VRTN: variants seen among roughly 807,000 people sequenced by gnomAD.
VRTN encodes vertebrae development associated, also known as vertnin.
A neutral mutation model predicts 18.2 loss-of-function variants in VRTN; 5 were observed. That is an observed-to-expected ratio of 0.27 (90% CI 0.14 to 0.58). VRTN has a LOEUF of 0.58. VRTN is among the 20% of genes least tolerant of loss of function. The pLI, the probability that VRTN is intolerant of heterozygous loss-of-function variation, is 0.91. For synonymous variants in VRTN, 381 were observed against 393.7 expected (o/e 0.97, Z 0.38); for missense variants, 741 against 939.4 (o/e 0.79, Z 2.76).
intron 1 of VRTN, among the ~76,000 whole-genome samples, chr14:74,354,397 T>A (rs574808494): frequency 1.3e-5 from 2 of 151,570 alleles, no homozygotes; most frequent in East Asian, 3.9e-4. Context: ...CCTGTTATAT[T>A]AAAATCCATG....
In VRTN at chr14:74,327,766, G is replaced by C. The variant is rs147605127; in HGVS notation, c.-163-9957G>C. On this transcript the variant is annotated intron_variant, in intron 1 of 2. Transcript: ENST00000557177. ...GAGTCTCACTTCGTTGCCCAGGCAG[G>C]AGTGCAGTGAATGGTGCAATCTCAG... 2.3e-4 allele frequency among the ~76,000 whole-genome samples: 35 copies of C among 152,130 alleles called. 2 individuals are homozygous for C. In the East Asian group the frequency reaches 6.8e-3, roughly 29 times the overall value.
rs2085764530 is a variant in VRTN, at chr14:74,359,434, G to A, written c.*542G>A. ...GTGGTGGCTTATGCCTGTAATCCTA[G>A]CGCTTTGGGAGGCCAAGGCAGGAGG... On this transcript the variant is annotated 3_prime_UTR_variant, in exon 2 of 2. Coordinates refer to ENST00000256362, the MANE Select transcript of VRTN (RefSeq NM_018228.3). 1 of 167,654 alleles carries A rather than the reference G, an allele frequency of 6.0e-6. No homozygotes were observed. The highest frequency in any genetic ancestry group is 1.5e-5 in the Non-Finnish European group (1 of 68,676). The allele number at this position is 167,654 out of a possible 1,614,324, so 10.4% of individuals were successfully genotyped here. A position where few individuals can be genotyped will look rare whatever the true frequency, so the allele number is the denominator to read the frequency against.
At chr14:74,330,032 C>T (rs757011341) in intron 1 of VRTN, among the ~76,000 whole-genome samples, 18 of 151,886 alleles carry the variant, frequency 1.2e-4, no homozygotes, top group Non-Finnish European at 1.6e-4. Flanking sequence ...TCACCATGCC[C>T]GGCTAGTTTT....
chr14:74,344,691 C>T (rs1404917892), upstream of VRTN, among the ~76,000 whole-genome samples: 4 of 128,300 alleles, frequency 3.1e-5, no homozygotes, highest in African/African-American at 9.0e-5. Flanking sequence ...GCTGAGATCG[C>T]GGCACTGCAC....
At chr14:74,326,280 C>T (rs1192456637) in intron 1 of VRTN, among the ~76,000 whole-genome samples, 1 of 152,106 alleles carries the variant, frequency 6.6e-6, no homozygotes, top group Non-Finnish European at 1.5e-5. Context: ...AACAAAACCT[C>T]AGAAAATCAG....
Position 74,357,638 on chromosome 14 carries a change from C to T in VRTN, c.855C>T (p.Leu285=), listed in dbSNP as rs2085739973. 2.5e-6 allele frequency: 4 copies of T among 1,613,998 alleles called. No homozygotes were observed. The East Asian group carries it at 8.9e-5, about 36-fold the overall frequency. Reference sequence around the variant, plus strand: ...AACCTGGCCTCAGCTACTCTCACCTCTGTGAGCGCTACAGCGTCACCAAAA... The same window carrying T: ...AACCTGGCCTCAGCTACTCTCACCTTTGTGAGCGCTACAGCGTCACCAAAA... ...NREPGLSYSH[L]CERYSVTKST... is the part of the protein sequence containing the mutation. Residue 285 remains leucine, a synonymous_variant, in exon 2 of 2, where the codon CTC becomes CTT. Coordinates refer to ENST00000256362, the MANE Select transcript of VRTN (RefSeq NM_018228.3). The surrounding 1 kb of genome is among the most constrained non-coding windows in gnomAD (Gnocchi z 7.8).
intron 1 of VRTN, among the ~76,000 whole-genome samples, chr14:74,332,618 A>G (rs143778529): frequency 0.01 from 1,570 of 151,430 alleles, 31 homozygotes; most frequent in African/African-American, 0.036. Flanking sequence ...CGGCCTCCCA[A>G]AGTGCTGGGA....
chr14:74,334,344 C>T (rs552894710), intron 1 of VRTN, among the ~76,000 whole-genome samples: 8 of 152,236 alleles, frequency 5.3e-5, no homozygotes, highest in African/African-American at 1.9e-4. Flanking sequence ...GCCTGGGCAA[C>T]ATGGTGAAAC....
At chr14:74,306,333 T>G (rs1331589792) in intron 1 of VRTN, among the ~76,000 whole-genome samples, 2 of 150,966 alleles carry the variant, frequency 1.3e-5, no homozygotes, top group Non-Finnish European at 3.0e-5. Context: ...ACACAGCTAA[T>G]TAAAAAAAAT....
intron 1 of VRTN, chr14:74,305,545 G>A (rs1016076728): frequency 1.5e-5 from 3 of 196,502 alleles, no homozygotes; most frequent in Admixed American, 1.5e-4. Flanking sequence ...AGAAGCAAAA[G>A]ACTGGTGAAA....
intron 2 of VRTN, among the ~76,000 whole-genome samples, chr14:74,338,944 C>T (rs557669246): frequency 7.9e-5 from 12 of 152,200 alleles, no homozygotes; most frequent in East Asian, 3.9e-4. Context: ...AGGTTGCTCT[C>T]GAACTCCTGA....
chr14:74,323,116 A>C (rs1595165974), intron 1 of VRTN, among the ~76,000 whole-genome samples: 3 of 150,978 alleles, frequency 2.0e-5, no homozygotes, highest in Admixed American at 2.0e-4. Flanking sequence ...TTGGGTGACA[A>C]AGTGAGACTC....
chr14:74,357,433 C>T lies in VRTN; in HGVS notation c.650C>T (p.Thr217Met), dbSNP rs747473407. 8.6e-5 allele frequency: 138 copies of T among 1,612,342 alleles called. No individual in the cohort carries two copies. Among genetic ancestry groups the T allele is most frequent in the Non-Finnish European group, 1.1e-4 (127 of 1,180,044 alleles). The change falls in exon 2 of 2, where the codon ACG becomes ATG. Residue 217 changes from threonine to methionine, a missense_variant. Transcript: ENST00000256362. The surrounding 1 kb of genome is among the most constrained non-coding windows in gnomAD (Gnocchi z 7.8). Reference protein sequence around the residue: ...RPRRCDHVPSTLHIMWAGQPL... With the variant: ...RPRRCDHVPSMLHIMWAGQPL... ...CGCCGCTGCGACCACGTGCCCTCCA[C>T]GCTGCACATCATGTGGGCTGGCCAG...
chr14:74,358,636 A>C lies in VRTN; in HGVS notation c.1853A>C (p.Gln618Pro). The change falls in exon 2 of 2, where the codon CAG becomes CCG. Residue 618 changes from glutamine (Q) to proline (P), a missense_variant. Gln to Pro is a moderately conservative substitution (Grantham distance 76). This residue lies in a region of VRTN where 494 missense variants were observed against 546.5 expected (regional missense o/e 0.90). Coordinates refer to ENST00000256362, the MANE Select transcript of VRTN (RefSeq NM_018228.3). The surrounding 1 kb of genome is among the most constrained non-coding windows in gnomAD (Gnocchi z 5.4). ...ALQEGATAQGQPHSGPLLSQP... is the reference protein window; with the variant it reads ...ALQEGATAQGPPHSGPLLSQP... ...CAGGAGGGGGCCACAGCCCAGGGCCAGCCCCACAGTGGGCCCTTGCTGAGC... is the reference window on the plus strand; with the variant it reads ...CAGGAGGGGGCCACAGCCCAGGGCCCGCCCCACAGTGGGCCCTTGCTGAGC... 6.2e-7 allele frequency: 1 copy of C among 1,608,254 alleles called. No homozygotes were observed.
intron 1 of VRTN, among the ~76,000 whole-genome samples, chr14:74,326,425 C>T (rs1002901926): frequency 2.0e-5 from 3 of 152,098 alleles, no homozygotes; most frequent in Non-Finnish European, 2.9e-5. Context: ...ACATTCTAAG[C>T]AGGCTGGGGT....
rs867063523 is a variant in VRTN at position 74,310,869 on chromosome 14, G to A, written c.-164+7693G>A. Among the ~76,000 whole-genome samples, 3 of 151,222 alleles carry A rather than the reference G, an allele frequency of 2.0e-5. No individual in the cohort carries two copies. The East Asian group carries it at 5.8e-4, about 29-fold the overall frequency. On this transcript the variant is annotated intron_variant, in intron 1 of 2. Transcript: ENST00000557177. Reference sequence around the variant, plus strand: ...TTAAATTTTTCTTTAAAAAAAATTTGGGGGGGTAAAGACAGGGCCTCACTA... The same window carrying A: ...TTAAATTTTTCTTTAAAAAAAATTTAGGGGGGTAAAGACAGGGCCTCACTA...
intron 1 of VRTN, among the ~76,000 whole-genome samples, chr14:74,320,249 C>CTTTTT (rs71115982): frequency 1.4e-4 from 10 of 72,690 alleles, no homozygotes; most frequent in African/African-American, 1.9e-4. Context: ...GATCCCATCC[C>CTTTTT]TTTTTTTTTT....
At chr14:74,349,630 G>A (rs1332533439) in intron 1 of VRTN, among the ~76,000 whole-genome samples, 4 of 152,202 alleles carry the variant, frequency 2.6e-5, no homozygotes, top group Non-Finnish European at 5.9e-5. Context: ...CATAACAGCA[G>A]ATCTCTTGCC....
upstream of VRTN, among the ~76,000 whole-genome samples, chr14:74,344,089 C>T (rs923901522): frequency 2.2e-4 from 34 of 151,158 alleles, no homozygotes; most frequent in Admixed American, 4.0e-4. Context: ...TGAGCCACCA[C>T]GCCTGGCCTC....
Sources: allele counts gnomAD v4.1 joint callset (sites outside exome capture counted in the v4.1 genomes callset), GRCh38; gene constraint gnomAD v4.1.1; regional missense constraint gnomAD v4.1.1; non-coding constraint Gnocchi (gnomAD v3.1); transcripts MANE v1.5; gene names NCBI Gene and HGNC (gene_info 2026-07-23, HGNC 2026-07-21).